Variants in ADCY3 observed in about 807,000 individuals in gnomAD.
ADCY3 encodes adenylate cyclase type 3.
In ADCY3, 70 loss-of-function variants were observed where a neutral mutation model predicts 119.4. That is an observed-to-expected ratio of 0.59 (90% confidence interval 0.48 to 0.72). The LOEUF is 0.72. Ranked by LOEUF, ADCY3 falls within the 30% of genes least tolerant of loss-of-function variation. The pLI is 0.00. For synonymous variants in ADCY3, 672 were observed against 621.4 expected (o/e 1.08, Z -1.21); for missense variants, 1,238 against 1,541.6 (o/e 0.80, Z 3.30).
At chr2:24,902,690 C>T (rs527673820) in intron 2 of ADCY3, among the ~76,000 whole-genome samples, 1 of 152,224 alleles carries the variant, frequency 6.6e-6, no homozygotes, top group African/African-American at 2.4e-5. Flanking sequence ...CGTGAAGATG[C>T]AGATGAAGAC....
intron 3 of ADCY3, among the ~76,000 whole-genome samples, chr2:24,853,057 TG>T (rs1672570080): frequency 8.9e-6 from 1 of 112,844 alleles, no homozygotes. Context: ...TGTGTGTGTG[TG>T]TGTGTGTGTA....
At chr2:24,829,268 C>CA (rs1275941060) in intron 13 of ADCY3, among the ~76,000 whole-genome samples, 1 of 151,924 alleles carries the variant, frequency 6.6e-6, no homozygotes, top group East Asian at 1.9e-4. Flanking sequence ...CTGCCTGCCT[C>CA]AGCCTCCCAA....
At chr2:24,877,563 T>C (rs1558488895) in intron 2 of ADCY3, among the ~76,000 whole-genome samples, 2 of 151,836 alleles carry the variant, frequency 1.3e-5, no homozygotes, top group Non-Finnish European at 2.9e-5. Context: ...GTGTGAACAG[T>C]TGGGGAGATC....
chr2:24,890,780 T>G (rs1226114473), intron 2 of ADCY3, among the ~76,000 whole-genome samples: 2 of 152,214 alleles, frequency 1.3e-5, no homozygotes, highest in Non-Finnish European at 2.9e-5. Context: ...CCCACTAATT[T>G]TTTTTTCTGC....
In ADCY3 at chr2:24,834,598, G is replaced by A. The variant is rs753727686; in HGVS notation, c.1854C>T (p.Pro618=). 1.5e-5 allele frequency: 24 copies of A among 1,613,930 alleles called. No individual in the cohort carries two copies. The highest frequency in any genetic ancestry group is 8.8e-5 in the South Asian group (8 of 91,064). Residue 618 remains proline, a synonymous_variant, in exon 11 of 22, where the codon CCC becomes CCT. Transcript: ENST00000679454. This position sits in a 1 kb window ranked among gnomAD's most constrained non-coding sequence, Gnocchi z 4.2. ...CCACCGAGTAGCGGGTTTCCATCTC[G>A]GGGTCCATGAACCGCATGGACAAGA... ...TFLLSMRFMD[P]EMETRYSVEK... is the part of the protein sequence containing the mutation.
chr2:24,863,061 C>T (rs1332045890), intron 3 of ADCY3, among the ~76,000 whole-genome samples: 1 of 152,126 alleles, frequency 6.6e-6, no homozygotes, highest in African/African-American at 2.4e-5. Flanking sequence ...ATGGCTAGGA[C>T]ACTCTCAAAT....
At chr2:24,829,294 A>C (rs1225908524) in intron 13 of ADCY3, among the ~76,000 whole-genome samples, 1 of 151,152 alleles carries the variant, frequency 6.6e-6, no homozygotes, top group Non-Finnish European at 1.5e-5. Flanking sequence ...TGGAATTACA[A>C]GTGTGAGCCA....
At chr2:24,851,477 C>T (rs1477801598) in intron 3 of ADCY3, among the ~76,000 whole-genome samples, 6 of 152,152 alleles carry the variant, frequency 3.9e-5, no homozygotes, top group Non-Finnish European at 8.8e-5. Flanking sequence ...GGTGACAAAG[C>T]CTAGGCACAG....
intron 16 of ADCY3, among the ~76,000 whole-genome samples, chr2:24,825,045 C>G (rs1240155999): frequency 6.6e-6 from 1 of 152,192 alleles, no homozygotes; most frequent in Non-Finnish European, 1.5e-5. Flanking sequence ...TCCGTAATTA[C>G]AGCAGAGATC....
chr2:24,821,007 A>C, intron 20 of ADCY3, 159 bp from the exon 21 acceptor site: 1 of 1,029,742 alleles, frequency 9.7e-7, no homozygotes, highest in African/African-American at 1.6e-5. Flanking sequence ...TGGAAATCAC[A>C]TCTCCTGTTT....
chr2:24,825,269 G>A (rs78831170), intron 16 of ADCY3, among the ~76,000 whole-genome samples: 3,676 of 148,830 alleles, frequency 0.025, 37 homozygotes, highest in African/African-American at 0.032. Flanking sequence ...AAGTACAGAG[G>A]ATCTTTCTCT....
intron 3 of ADCY3, among the ~76,000 whole-genome samples, chr2:24,849,446 G>A (rs1301875285): frequency 6.6e-6 from 1 of 152,104 alleles, no homozygotes; most frequent in African/African-American, 2.4e-5. Flanking sequence ...AAGCGGCCGT[G>A]AGCTTCTCTC....
intron 2 of ADCY3, among the ~76,000 whole-genome samples, chr2:24,879,197 G>A (rs977572523): frequency 6.6e-6 from 1 of 152,152 alleles, no homozygotes; most frequent in African/African-American, 2.4e-5. Context: ...ACTGGGCCGG[G>A]CGCGGTGGCT....
chr2:24,866,206 C>T (rs1674272683), intron 3 of ADCY3, among the ~76,000 whole-genome samples: 1 of 152,164 alleles, frequency 6.6e-6, no homozygotes, highest in South Asian at 2.1e-4. Context: ...AAGCTATTTC[C>T]TATCTGCCCC....
intron 2 of ADCY3, among the ~76,000 whole-genome samples, chr2:24,914,498 T>A (rs1664195590): frequency 6.6e-6 from 1 of 151,852 alleles, no homozygotes; most frequent in South Asian, 2.1e-4. Flanking sequence ...CATGGTGAAA[T>A]CCTGTCTCTA....
At chr2:24,864,580 C>G (rs185453248) in intron 3 of ADCY3, among the ~76,000 whole-genome samples, 5 of 152,158 alleles carry the variant, frequency 3.3e-5, no homozygotes, top group Non-Finnish European at 7.3e-5. Flanking sequence ...CACAGAAGAA[C>G]CTTGAAGACA....
In ADCY3 at chr2:24,827,535, G is replaced by A. The variant is rs201882277; in HGVS notation, c.2495+11C>T. The stretch of plus-strand genomic sequence containing the variant: ...TGAGTGCAGGCCAGGAGGGGAAGCC[G>A]TGGCCCTTACCTGTCAGTGCCATTG... On this transcript the variant is annotated intron_variant, in intron 15 of 21. Coordinates refer to ENST00000679454, the MANE Select transcript of ADCY3 (RefSeq NM_004036.5). 1.9e-4 allele frequency: 302 copies of A among 1,578,624 alleles called. No homozygotes were observed. Among genetic ancestry groups the A allele is most frequent in the Non-Finnish European group, 2.4e-4 (274 of 1,159,102 alleles).
At chr2:24,851,559 T>C (rs1476865007) in intron 3 of ADCY3, among the ~76,000 whole-genome samples, 2 of 152,204 alleles carry the variant, frequency 1.3e-5, no homozygotes, top group African/African-American at 2.4e-5. Flanking sequence ...CTGAGACCCC[T>C]GGAATGGGTG....
At position 24,841,288 on chromosome 2, in the gene ADCY3, G is replaced by C. The variant is rs2241758; in HGVS notation, c.1167C>G (p.Leu389=). 125,564 of 1,570,090 alleles carry C rather than the reference G, an allele frequency of 0.08. 6,245 individuals carry two copies. The highest frequency in any genetic ancestry group is 0.24 in the Admixed American group (12,769 of 53,022). The change falls in exon 6 of 22, where the codon CTC becomes CTG. Residue 389 remains leucine (L), a synonymous_variant. Transcript: ENST00000679454. The surrounding 1 kb of genome is among the most constrained non-coding windows in gnomAD (Gnocchi z 5.8). ...YREDHAVCSI[L]MGLAMVEAIS... The stretch of plus-strand genomic sequence containing the variant: ...TGGCCTCCACCATGGCCAGCCCCAT[G>C]AGGATGGAGCAGACGGCGTGGTCCT...
Sources: gnomAD v4.1 joint callset for allele counts (sites outside exome capture counted in the v4.1 genomes callset) on GRCh38, gnomAD v4.1.1 for gene constraint, Gnocchi (gnomAD v3.1) non-coding constraint, MANE v1.5 for transcripts, NCBI Gene and HGNC (gene_info 2026-07-23, HGNC 2026-07-21) for gene names.